Variants in PCDHGB6 observed in about 807,000 individuals in gnomAD.
The protein encoded by PCDHGB6 is protocadherin gamma-B6.
In PCDHGB6, 51 loss-of-function variants were observed where a neutral mutation model predicts 59.1. That is an observed-to-expected ratio of 0.86 (90% CI 0.69 to 1.09). PCDHGB6 has a LOEUF of 1.09. Ranked by LOEUF, PCDHGB6 falls within the 50% of genes least tolerant of loss-of-function variation. The pLI, the probability that PCDHGB6 is intolerant of heterozygous loss-of-function variation, is 0.00. For synonymous variants in PCDHGB6, 466 were observed against 495.1 expected, an observed-to-expected ratio of 0.94 and a Z score of 0.78; for missense variants, 1,148 against 1,205.1, an observed-to-expected ratio of 0.95 and a Z score of 0.70.
intron 2 of PCDHGB6, among the ~76,000 whole-genome samples, chr5:141,495,233 A>G (rs1226612093): frequency 1.3e-5 from 2 of 152,196 alleles, no homozygotes; most frequent in African/African-American, 4.8e-5. Flanking sequence ...GCTGGGCTCC[A>G]TTATGACCTG....
chr5:141,436,193 A>G (rs2097801112), intron 1 of PCDHGB6, among the ~76,000 whole-genome samples: 1 of 152,156 alleles, frequency 6.6e-6, no homozygotes, highest in South Asian at 2.1e-4. Flanking sequence ...AAATAGAAAG[A>G]AAGACATAAT....
In PCDHGB6 at chr5:141,432,296, G is replaced by T; in HGVS notation, c.2418+21676G>T. On this transcript the variant is annotated intron_variant, in intron 1 of 3. Coordinates refer to ENST00000520790, the MANE Select transcript of PCDHGB6 (RefSeq NM_018926.3). This position sits in a 1 kb window ranked among gnomAD's most constrained non-coding sequence, Gnocchi z 6.0. ...CGTGTCCATCAACTCCGACACTGGG[G>T]TACTGTATGCGCTGAGCTCCTTCGA... 1 of 1,614,224 alleles carries T rather than the reference G, an allele frequency of 6.2e-7. No individual in the cohort carries two copies. Among genetic ancestry groups the T allele is most frequent in the Non-Finnish European group, 8.5e-7 (1 of 1,180,044 alleles).
At chr5:141,433,128 C>T (rs773994964) in intron 1 of PCDHGB6, 3 of 1,614,158 alleles carry the variant, frequency 1.9e-6, no homozygotes, top group Non-Finnish European at 1.7e-6. Flanking sequence ...AAAAGCGAGC[C>T]CCTTTTGCTG....
chr5:141,414,752 ATG>A, intron 1 of PCDHGB6: 2 of 1,614,228 alleles, frequency 1.2e-6, no homozygotes, highest in Non-Finnish European at 1.7e-6. Context: ...TCCTTCGACT[ATG>A]AGCAGTTTCA....
At chr5:141,418,536 C>G (rs1196331424) in intron 1 of PCDHGB6, 6 of 1,614,026 alleles carry the variant, frequency 3.7e-6, no homozygotes, top group South Asian at 1.1e-5. Flanking sequence ...AGCGGTACTG[C>G]TCAGATAAGA....
intron 1 of PCDHGB6, chr5:141,415,749 T>C: frequency 8.2e-7 from 1 of 1,214,000 alleles, no homozygotes; most frequent in Non-Finnish European, 1.1e-6. Flanking sequence ...GGTTTTTTTT[T>C]TTTTTTTTTT....
At chr5:141,447,182 C>G (rs1205769161) in intron 1 of PCDHGB6, among the ~76,000 whole-genome samples, 1 of 152,126 alleles carries the variant, frequency 6.6e-6, no homozygotes, top group Non-Finnish European at 1.5e-5. Flanking sequence ...TCTTGTCGCG[C>G]AGGCTGGAGT....
chr5:141,460,142 G>A (rs932507660), intron 1 of PCDHGB6, among the ~76,000 whole-genome samples: 5 of 151,950 alleles, frequency 3.3e-5, no homozygotes, highest in African/African-American at 1.2e-4. Flanking sequence ...TATTCTTGAT[G>A]TGAGCTCTTT....
chr5:141,503,268 C>A (rs1038268807), intron 2 of PCDHGB6, among the ~76,000 whole-genome samples: 6 of 152,068 alleles, frequency 3.9e-5, no homozygotes, highest in African/African-American at 7.2e-5. Context: ...AACCCCAGCA[C>A]CTGGCTCTGT....
rs1456451105 is a variant in PCDHGB6 at position 141,477,377 on chromosome 5, C to T, written c.2419-17430C>T. Reference sequence around the variant, plus strand: ...TGCAGACCTGGATCGGGAGACTGTGCCAGAATACAACCTCAGCATCACCGC... The same window carrying T: ...TGCAGACCTGGATCGGGAGACTGTGTCAGAATACAACCTCAGCATCACCGC... On this transcript the variant is annotated intron_variant, in intron 1 of 3. Coordinates refer to ENST00000520790, the MANE Select transcript of PCDHGB6 (RefSeq NM_018926.3). This position sits in a 1 kb window ranked among gnomAD's most constrained non-coding sequence, Gnocchi z 4.9. 1 of 1,614,144 alleles carries T rather than the reference C, an allele frequency of 6.2e-7. No homozygotes were observed. Among genetic ancestry groups the T allele is most frequent in the South Asian group, 1.1e-5 (1 of 91,080 alleles).
chr5:141,477,582 A>T lies in PCDHGB6; in HGVS notation c.2419-17225A>T, dbSNP rs567486170. The T allele has an allele frequency of 6.2e-7, 1 of 1,614,190 alleles. No individual in the cohort carries two copies. The highest frequency in any genetic ancestry group is 2.2e-5 in the East Asian group (1 of 44,888). ...GTCTGGGACCCCGACGCCCCGCAGA[A>T]TGCTCGGCTTTCTTTCTTTCTCTTG... On this transcript the variant is annotated intron_variant, in intron 1 of 3. Transcript: ENST00000520790. The surrounding 1 kb of genome is among the most constrained non-coding windows in gnomAD (Gnocchi z 4.9).
Position 141,408,298 on chromosome 5 carries a change from G to T in PCDHGB6, c.96G>T (p.Pro32=), listed in dbSNP as rs778209794. 6.2e-7 allele frequency: 1 copy of T among 1,613,704 alleles called. No homozygotes were observed. Among genetic ancestry groups the T allele is most frequent in the South Asian group, 1.1e-5 (1 of 91,060 alleles). The change falls in exon 1 of 4, where the codon CCG becomes CCT. Residue 32 remains proline, a synonymous_variant. Coordinates refer to ENST00000520790, the MANE Select transcript of PCDHGB6 (RefSeq NM_018926.3). ...LPLFYPTLSE[P]IRYSIPEELA... The stretch of plus-strand genomic sequence containing the variant: ...TGTTCTACCCCACCCTGAGTGAGCC[G>T]ATCCGCTACTCGATTCCGGAGGAGC...
chr5:141,432,427 C>G lies in PCDHGB6; in HGVS notation c.2418+21807C>G. 5 of 1,614,242 alleles carry G rather than the reference C, an allele frequency of 3.1e-6. No homozygotes were observed. The highest frequency in any genetic ancestry group is 4.2e-6 in the Non-Finnish European group (5 of 1,180,036). On this transcript the variant is annotated intron_variant, in intron 1 of 3. Transcript: ENST00000520790. The surrounding 1 kb of genome is among the most constrained non-coding windows in gnomAD (Gnocchi z 6.0). ...TGAGCCTGTTCGTGCTGGACCAGAA[C>G]GACAATGCGCCCGAGATCCTGTACC... is the stretch of plus-strand genomic sequence containing the variant.
At position 141,431,696 on chromosome 5, in the gene PCDHGB6, G is replaced by T; in HGVS notation, c.2418+21076G>T. ...AGGGGAGTTGGACCACGAGGAGTCA[G>T]GATTCTACCAGATGGAAGTGCAAGC... On this transcript the variant is annotated intron_variant, in intron 1 of 3. Transcript: ENST00000520790. The surrounding 1 kb of genome is among the most constrained non-coding windows in gnomAD (Gnocchi z 4.8). 6.2e-7 allele frequency: 1 copy of T among 1,614,238 alleles called. No individual in the cohort carries two copies. Among genetic ancestry groups the T allele is most frequent in the Non-Finnish European group, 8.5e-7 (1 of 1,180,038 alleles).
At chr5:141,417,875 G>C (rs2096176700) in intron 1 of PCDHGB6, 2 of 1,556,360 alleles carry the variant, frequency 1.3e-6, no homozygotes, top group Non-Finnish European at 1.7e-6. Context: ...AGGGAGCTGC[G>C]CGCAGAGGCG....
chr5:141,431,405 G>A lies in PCDHGB6; in HGVS notation c.2418+20785G>A, dbSNP rs2097369508. Reference sequence around the variant, plus strand: ...TCACCACCTGGTCCTTACGGCCTCCGACGGGGGCGACCCGGTGCGCACAGG... The same window carrying A: ...TCACCACCTGGTCCTTACGGCCTCCAACGGGGGCGACCCGGTGCGCACAGG... On this transcript the variant is annotated intron_variant, in intron 1 of 3. Transcript: ENST00000520790. The surrounding 1 kb of genome is among the most constrained non-coding windows in gnomAD (Gnocchi z 4.8). 1 of 1,613,614 alleles carries A rather than the reference G, an allele frequency of 6.2e-7. No individual in the cohort carries two copies.
At chr5:141,422,690 T>C (rs1384522137) in intron 1 of PCDHGB6, 1 of 1,603,790 alleles carries the variant, frequency 6.2e-7, no homozygotes, top group African/African-American at 1.3e-5. Flanking sequence ...AATGCCCTGG[T>C]CACTTACTCT....
chr5:141,465,343 T>A (rs1221229916), intron 1 of PCDHGB6, among the ~76,000 whole-genome samples: 1 of 152,118 alleles, frequency 6.6e-6, no homozygotes, highest in Non-Finnish European at 1.5e-5. Flanking sequence ...TATTGGTTAC[T>A]GAAGAAAAAA....
Position 141,489,640 on chromosome 5 carries a change from G to A in PCDHGB6, c.2419-5167G>A. The A allele has an allele frequency of 1.2e-6, 2 of 1,614,146 alleles. No individual in the cohort carries two copies. Among genetic ancestry groups the A allele is most frequent in the Non-Finnish European group, 1.7e-6 (2 of 1,180,010 alleles). Reference sequence around the variant, plus strand: ...TCTCAATGACAACTCTCCTAGCTTTGCCACCCCTGAGCGAGAGATGCGCAT... The same window carrying A: ...TCTCAATGACAACTCTCCTAGCTTTACCACCCCTGAGCGAGAGATGCGCAT... On this transcript the variant is annotated intron_variant, in intron 1 of 3. Transcript: ENST00000520790. The surrounding 1 kb of genome is among the most constrained non-coding windows in gnomAD (Gnocchi z 4.5).
Sources: gnomAD v4.1 joint callset for allele counts (sites outside exome capture counted in the v4.1 genomes callset) on GRCh38, gnomAD v4.1.1 for gene constraint, Gnocchi (gnomAD v3.1) non-coding constraint, MANE v1.5 for transcripts, NCBI Gene and HGNC (gene_info 2026-07-23, HGNC 2026-07-21) for gene names.